Variants in PCDHA3 observed in about 807,000 individuals in gnomAD.
PCDHA3 encodes the protein protocadherin alpha 3.
PCDHA3 carries 41 observed loss-of-function variants against 62.2 expected under a neutral mutation model. The ratio of observed to expected loss-of-function variants is 0.66; its 90% CI spans 0.51 to 0.86. The LOEUF is 0.86. PCDHA3 is among the 40% of genes least tolerant of loss of function. The pLI is 0.00. For missense variants in PCDHA3, 1,304 were observed against 1,241.2 expected, an observed-to-expected ratio of 1.05 and a Z score of -0.76; for synonymous variants, 640 against 555.4, an observed-to-expected ratio of 1.15 and a Z score of -2.14.
chr5:140,834,317 G>T, intron 1 of PCDHA3: 1 of 1,393,006 alleles, frequency 7.2e-7, no homozygotes, highest in Non-Finnish European at 9.8e-7. Context: ...GAAATGAAGG[G>T]ATAAAAACAT....
At chr5:140,873,291 T>G (rs1392246125) in intron 1 of PCDHA3, among the ~76,000 whole-genome samples, 1 of 152,198 alleles carries the variant, frequency 6.6e-6, no homozygotes, top group Admixed American at 6.5e-5. Context: ...TTATGAAACT[T>G]TATAAATATA....
chr5:140,957,322 A>G (rs1356606026), intron 1 of PCDHA3, among the ~76,000 whole-genome samples: 4 of 152,202 alleles, frequency 2.6e-5, no homozygotes, highest in Admixed American at 2.0e-4. Context: ...AGGTGAGCAC[A>G]GTACAGTAAG....
At chr5:140,955,102 C>A (rs2095137498) in intron 1 of PCDHA3, among the ~76,000 whole-genome samples, 1 of 151,988 alleles carries the variant, frequency 6.6e-6, no homozygotes, top group Admixed American at 6.6e-5. Context: ...GGTGTTATTT[C>A]TGAGTTCTCT....
chr5:140,942,478 C>T (rs2093304158), intron 1 of PCDHA3, among the ~76,000 whole-genome samples: 1 of 151,408 alleles, frequency 6.6e-6, no homozygotes, highest in African/African-American at 2.4e-5. Flanking sequence ...ATTCAAGCTA[C>T]AACTGAAATA....
chr5:140,806,875 A>C, intron 1 of PCDHA3: 1 of 396,628 alleles, frequency 2.5e-6, no homozygotes. Flanking sequence ...GTACCACAGT[A>C]GTACAAAATG....
Position 140,802,811 on chromosome 5 carries a change from C to T in PCDHA3, c.1614C>T (p.Arg538=). Residue 538 remains arginine, a synonymous_variant, in exon 1 of 4, where the codon CGC becomes CGT. Transcript: ENST00000522353. Reference sequence around the variant, plus strand: ...TGCTGCAGTTCCAGGTGAGTGCGCGCGATGCGGGCGTGCCGCCTCTGGGCA... The same window carrying T: ...TGCTGCAGTTCCAGGTGAGTGCGCGTGATGCGGGCGTGCCGCCTCTGGGCA... ...LELLQFQVSA[R]DAGVPPLGSN... 1 of 1,613,360 alleles carries T rather than the reference C, an allele frequency of 6.2e-7. No homozygotes were observed.
intron 1 of PCDHA3, among the ~76,000 whole-genome samples, chr5:140,898,149 C>T (rs552851488): frequency 4.6e-4 from 70 of 152,244 alleles, no homozygotes; most frequent in African/African-American, 1.6e-3. Flanking sequence ...TGCCTGTTCA[C>T]GCTGATGGTG....
rs1474245483 is a variant in PCDHA3, at chr5:140,946,429, A to C, written c.2395-32520A>C. Reference sequence around the variant, plus strand: ...ATAGAAAACAATATGGAGGTTACTCAAAAATTGAGACTAAAACAACTATCC... The same window carrying C: ...ATAGAAAACAATATGGAGGTTACTCCAAAATTGAGACTAAAACAACTATCC... On this transcript the variant is annotated intron_variant, in intron 1 of 3. Coordinates refer to ENST00000522353, the MANE Select transcript of PCDHA3 (RefSeq NM_018906.3). 2.0e-5 allele frequency among the ~76,000 whole-genome samples: 3 copies of C among 151,826 alleles called. No homozygotes were observed. In the East Asian group the frequency reaches 5.8e-4, roughly 29 times the overall value.
chr5:140,930,794 T>G (rs2087114829), intron 1 of PCDHA3, among the ~76,000 whole-genome samples: 1 of 152,200 alleles, frequency 6.6e-6, no homozygotes, highest in Non-Finnish European at 1.5e-5. Context: ...TATAATAGAA[T>G]CCAGCATATA....
At chr5:140,899,894 A>G (rs2067617727) in intron 1 of PCDHA3, among the ~76,000 whole-genome samples, 1 of 151,938 alleles carries the variant, frequency 6.6e-6, no homozygotes, top group African/African-American at 2.4e-5. Context: ...TGCAGCCTTG[A>G]CATCCTGGGC....
intron 1 of PCDHA3, chr5:140,869,088 G>A (rs1581866971): frequency 6.3e-7 from 1 of 1,587,910 alleles, no homozygotes; most frequent in Non-Finnish European, 8.6e-7. Context: ...TATTTTGGAA[G>A]CCAATTTCGT....
intron 1 of PCDHA3, chr5:140,881,920 T>G (rs1205220705): frequency 1.2e-5 from 3 of 257,650 alleles, no homozygotes; most frequent in African/African-American, 6.6e-5. Flanking sequence ...TTGAGCAGAA[T>G]GCAGTGATTT....
chr5:140,986,776 C>G (rs916981139), intron 3 of PCDHA3, among the ~76,000 whole-genome samples: 5 of 152,098 alleles, frequency 3.3e-5, no homozygotes, highest in Non-Finnish European at 7.3e-5. Context: ...AATTAGGTAG[C>G]GGAAGCCACT....
chr5:140,875,874 A>G (rs782173743), intron 1 of PCDHA3: 2 of 1,614,188 alleles, frequency 1.2e-6, no homozygotes, highest in East Asian at 4.5e-5. Context: ...CGGTGTTCAG[A>G]GAAAGGGAAC....
chr5:140,818,573 A>C (rs1766388565), intron 1 of PCDHA3, among the ~76,000 whole-genome samples: 1 of 152,236 alleles, frequency 6.6e-6, no homozygotes, highest in Non-Finnish European at 1.5e-5. Context: ...ATGGTGGCTC[A>C]TGCCTATAAT....
chr5:140,803,639 C>T, intron 1 of PCDHA3, 48 bp downstream of exon 1: 2 of 1,613,254 alleles, frequency 1.2e-6, no homozygotes, highest in Non-Finnish European at 1.7e-6. Context: ...GTTTTTCATT[C>T]CTCAATGTTT....
At chr5:140,835,513 G>A in intron 1 of PCDHA3, 1 of 1,613,936 alleles carries the variant, frequency 6.2e-7, no homozygotes, top group Non-Finnish European at 8.5e-7. Context: ...GTGTTTGACC[G>A]AGATTTTGGA....
intron 1 of PCDHA3, among the ~76,000 whole-genome samples, chr5:140,959,857 T>G (rs1287315295): frequency 1.3e-5 from 2 of 152,204 alleles, no homozygotes; most frequent in African/African-American, 2.4e-5. Flanking sequence ...AAAGGAATTA[T>G]GTAGCAAAAT....
In PCDHA3 at chr5:141,010,033, G is replaced by A. The variant is rs2098415819; in HGVS notation, c.*96G>A. 1.9e-6 allele frequency: 3 copies of A among 1,581,924 alleles called. No homozygotes were observed. The South Asian group carries it at 3.6e-5, about 19-fold the overall frequency. ...CCCTGCTCCTTTTTCCTATCTACAT[G>A]AGCCCTCTTAGAGACCTCAGAAATC... On this transcript the variant is annotated 3_prime_UTR_variant, in exon 4 of 4. Transcript: ENST00000522353.
Sources: gnomAD v4.1 joint callset for allele counts (sites outside exome capture counted in the v4.1 genomes callset) on GRCh38, gnomAD v4.1.1 for gene constraint, MANE v1.5 for transcripts, NCBI Gene and HGNC (gene_info 2026-07-23, HGNC 2026-07-21) for gene names.